The following KIF17 variants were observed in gnomAD, a reference collection of about 807,000 sequenced individuals.
KIF17 encodes the protein kinesin-like protein KIF17.
A neutral mutation model predicts 96.8 loss-of-function variants in KIF17; 80 were observed. That is an observed-to-expected ratio of 0.83 (90% CI 0.69 to 1.00). KIF17 has a LOEUF of 1.00. KIF17 is among the 50% of genes least tolerant of loss of function. KIF17 has a pLI of 0.00. For missense variants in KIF17, 1,280 were observed against 1,372.9 expected (o/e 0.93, Z 1.07); for synonymous variants, 567 against 587.5 (o/e 0.97, Z 0.51).
At chr1:20,707,787 ATGTGTGTGTGTGTGTGTG>A (rs3077930) in intron 4 of KIF17, among the ~76,000 whole-genome samples, 23 of 124,560 alleles carry the variant, frequency 1.8e-4, no homozygotes, top group Admixed American at 2.6e-4. Flanking sequence ...ACCAATGTGT[ATGTGTGTGTGTGTGTGTG>A]TGTGTGTGTG....
intron 5 of KIF17, among the ~76,000 whole-genome samples, chr1:20,703,486 A>AGATGGATGGATGGATG (rs1491257356): frequency 2.9e-5 from 3 of 103,034 alleles, no homozygotes; most frequent in Admixed American, 9.3e-5. Flanking sequence ...ATAGATGGAT[A>AGATGGATGGATGGATG]GATGGATGGA....
At chr1:20,683,639 A>G (rs1570445979) in intron 10 of KIF17, among the ~76,000 whole-genome samples, 1 of 151,978 alleles carries the variant, frequency 6.6e-6, no homozygotes, top group African/African-American at 2.4e-5. Flanking sequence ...TGAGCAACAG[A>G]GCAAGGCTTC....
intron 11 of KIF17, 58 bp downstream of exon 11, chr1:20,682,595 C>T (rs776193819): frequency 6.4e-5 from 94 of 1,470,712 alleles, no homozygotes; most frequent in Middle Eastern, 3.6e-4. Context: ...ATGCCTGGAT[C>T]GGGGGGTCTC....
At chr1:20,715,911 C>G (rs1244280184) in intron 1 of KIF17, among the ~76,000 whole-genome samples, 1 of 152,212 alleles carries the variant, frequency 6.6e-6, no homozygotes, top group Non-Finnish European at 1.5e-5. Flanking sequence ...GACCGTGTGC[C>G]CTTGGGCTGG....
intron 11 of KIF17, 25 bp downstream of exon 11, chr1:20,682,628 A>C: frequency 6.2e-7 from 1 of 1,607,286 alleles, no homozygotes; most frequent in Non-Finnish European, 8.5e-7. Context: ...GCAGCTGGGC[A>C]TGGGGGGCTG....
chr1:20,662,600 C>G (rs1282249443), downstream of KIF17, among the ~76,000 whole-genome samples: 5 of 152,168 alleles, frequency 3.3e-5, no homozygotes. Flanking sequence ...GTACCACATC[C>G]GCCCGCCTCT....
chr1:20,682,976 C>T (rs1489323030), intron 10 of KIF17, 92 bp from the exon 11 acceptor site: 1 of 1,072,604 alleles, frequency 9.3e-7, no homozygotes, highest in Non-Finnish European at 1.4e-6. Flanking sequence ...CGTGGGCCCC[C>T]CAGATCCTTC....
intron 11 of KIF17, among the ~76,000 whole-genome samples, chr1:20,675,208 G>T (rs1481948777): frequency 2.6e-5 from 4 of 151,140 alleles, no homozygotes; most frequent in Non-Finnish European, 5.9e-5. Flanking sequence ...AGCACTTTGG[G>T]AGGCTGAGGA....
chr1:20,701,388 G>A (rs1485818390), intron 5 of KIF17, among the ~76,000 whole-genome samples: 3 of 152,056 alleles, frequency 2.0e-5, no homozygotes, highest in South Asian at 2.1e-4. Flanking sequence ...CGGAGATCGC[G>A]CCACTGCACT....
chr1:20,706,526 G>A (rs996668755), intron 4 of KIF17, among the ~76,000 whole-genome samples: 3 of 151,974 alleles, frequency 2.0e-5, no homozygotes, highest in African/African-American at 4.8e-5. Context: ...GGGAGACAAA[G>A]GTTGCAGTGA....
Position 20,666,304 on chromosome 1 carries a change from T to A in KIF17, c.2818A>T (p.Ser940Cys). 6.2e-7 allele frequency: 1 copy of A among 1,614,090 alleles called. No homozygotes were observed. Among genetic ancestry groups the A allele is most frequent in the South Asian group, 1.1e-5 (1 of 91,088 alleles). The change falls in exon 14 of 15, where the codon AGT (serine) becomes TGT (cysteine). Residue 940 changes from serine to cysteine, a missense_variant. Ser to Cys is a moderately radical substitution (Grantham distance 112, BLOSUM62 -1). Transcript: ENST00000400463. ...MEDDRYRLMLSRSNSENIASN... is the reference protein window; with the variant it reads ...MEDDRYRLMLCRSNSENIASN... ...GCAATGTTTTCACTGTTGCTCCGAC[T>A]GAGCATGAGCCTGTAGCGGTCGTCC... is the stretch of plus-strand genomic sequence containing the variant.
In KIF17 at chr1:20,699,548, A is replaced by T. The variant is rs2054196330; in HGVS notation, c.1124-1060T>A. Among the ~76,000 whole-genome samples, 1 of 152,228 alleles carries T rather than the reference A, an allele frequency of 6.6e-6. No homozygotes were observed. Among genetic ancestry groups the T allele is most frequent in the African/African-American group, 2.4e-5 (1 of 41,462 alleles). On this transcript the variant is annotated intron_variant, in intron 5 of 14. Coordinates refer to ENST00000400463, the MANE Select transcript of KIF17 (RefSeq NM_001122819.3). This position sits in a 1 kb window ranked among gnomAD's most constrained non-coding sequence, Gnocchi z 4.3. ...GCCACTGCACTCCAGCCTGGGCGAA[A>T]GAGCAAGACTCCGTCTCAAAAATAA... is the stretch of plus-strand genomic sequence containing the variant.
intron 5 of KIF17, among the ~76,000 whole-genome samples, chr1:20,702,815 T>G (rs1237795623): frequency 2.0e-5 from 3 of 152,214 alleles, no homozygotes; most frequent in Non-Finnish European, 4.4e-5. Flanking sequence ...CTCTCTGCCC[T>G]GTACAGCTGT....
rs1436276510 is a variant in KIF17 at position 20,707,781 on chromosome 1, A to ATGTGTGTGTGTG, written c.670+1857_670+1858insCACACACACACA. Among the ~76,000 whole-genome samples the ATGTGTGTGTGTG allele has an allele frequency of 1.6e-3, 144 of 90,930 alleles. 3 individuals carry two copies. The highest frequency in any genetic ancestry group is 6.6e-3 in the African/African-American group (131 of 19,954). 59.7% of individuals were successfully genotyped at this position (90,930 alleles called of 152,430 possible). A position where few individuals can be genotyped will look rare whatever the true frequency, so the allele number is the denominator to read the frequency against. On this transcript the variant is annotated intron_variant, in intron 4 of 14. Transcript: ENST00000400463. ...CTGTCTCAAAAAAAAAAACAAACCA[A>ATGTGTGTGTGTG]TGTGTATGTGTGTGTGTGTGTGTGT...
chr1:20,682,927 A>G (rs765285634), intron 10 of KIF17, 43 bp from the exon 11 acceptor site: 6 of 1,552,050 alleles, frequency 3.9e-6, no homozygotes, highest in Admixed American at 1.7e-5. Flanking sequence ...ATATCTGCCC[A>G]TCACCGAGCA....
chr1:20,685,502 G>A lies in KIF17; in HGVS notation c.2020-482C>T, dbSNP rs143252311. ...TCCCCTCTGCTTGCTGCTTCCCCCC[G>A]TCCCTCCTTCACGCCTGGGTCCCAC... On this transcript the variant is annotated intron_variant, in intron 9 of 14. Transcript: ENST00000400463. The surrounding 1 kb of genome is among the most constrained non-coding windows in gnomAD (Gnocchi z 4.1). Among the ~76,000 whole-genome samples the A allele has an allele frequency of 1.3e-5, 2 of 151,618 alleles. No individual in the cohort carries two copies. Among genetic ancestry groups the A allele is most frequent in the East Asian group, 1.9e-4 (1 of 5,138 alleles).
chr1:20,703,323 G>A (rs1357719177), intron 5 of KIF17, among the ~76,000 whole-genome samples: 1 of 152,096 alleles, frequency 6.6e-6, no homozygotes, highest in Admixed American at 6.5e-5. Flanking sequence ...ATCAGTGGAT[G>A]AATGGATGCA....
Position 20,685,869 on chromosome 1 carries a change from G to C in KIF17, c.2019+177C>G, listed in dbSNP as rs924448032. On this transcript the variant is annotated intron_variant, in intron 9 of 14. Coordinates refer to ENST00000400463, the MANE Select transcript of KIF17 (RefSeq NM_001122819.3). The surrounding 1 kb of genome is among the most constrained non-coding windows in gnomAD (Gnocchi z 4.1). ...TTCACTCCATAAGAAGAAGATGATG[G>C]TTCCTCCCACTGCACACTGCCTGGC... Among the ~76,000 whole-genome samples the C allele has an allele frequency of 1.3e-5, 2 of 152,224 alleles. No homozygotes were observed. The highest frequency in any genetic ancestry group is 2.9e-5 in the Non-Finnish European group (2 of 68,036).
At chr1:20,679,660 C>T (rs1361394426) in intron 11 of KIF17, among the ~76,000 whole-genome samples, 3 of 152,124 alleles carry the variant, frequency 2.0e-5, no homozygotes, top group Non-Finnish European at 4.4e-5. Context: ...CCCAGGAATG[C>T]AGGCGGTGTC....
Sources: gnomAD v4.1 joint callset for allele counts (sites outside exome capture counted in the v4.1 genomes callset) on GRCh38, gnomAD v4.1.1 for gene constraint, Gnocchi (gnomAD v3.1) non-coding constraint, MANE v1.5 for transcripts, NCBI Gene and HGNC (gene_info 2026-07-23, HGNC 2026-07-21) for gene names.